The following RASGEF1A variants were observed in gnomAD, a reference collection of about 807,000 sequenced individuals.
The protein encoded by RASGEF1A is RasGEF domain family member 1A, also known as ras-GEF domain-containing family member 1A.
RASGEF1A carries 18 observed loss-of-function variants against 56.4 expected under a neutral mutation model. The observed-to-expected ratio is 0.32, with a 90% confidence interval of 0.22 to 0.47. RASGEF1A has a LOEUF of 0.47. Among genes scored for constraint, RASGEF1A ranks in the 20% least tolerant of loss-of-function variants. The pLI is 1.00. For missense variants in RASGEF1A, 422 were observed against 627.1 expected (o/e 0.67, Z 3.49); for synonymous variants, 245 against 242.6 (o/e 1.01, Z -0.09).
chr10:43,219,182 C>A (rs79781812), intron 1 of RASGEF1A, among the ~76,000 whole-genome samples: 10,322 of 152,330 alleles, frequency 0.068, 956 homozygotes, highest in African/African-American at 0.21. Context: ...CTCCCCCCTC[C>A]CCTTGGCCTC....
chr10:43,202,060 C>T, intron 3 of RASGEF1A, 115 bp from the exon 4 acceptor site: 2 of 1,171,666 alleles, frequency 1.7e-6, no homozygotes, highest in Non-Finnish European at 1.1e-6. Flanking sequence ...GTGCTGGGCA[C>T]AGCCCCCAAC....
intron 1 of RASGEF1A, among the ~76,000 whole-genome samples, chr10:43,264,970 T>C (rs1292509172): frequency 6.6e-6 from 1 of 152,208 alleles, no homozygotes; most frequent in African/African-American, 2.4e-5. Flanking sequence ...ATCCTGCCCC[T>C]GGCATCATTC....
intron 1 of RASGEF1A, chr10:43,208,027 C>T: frequency 2.0e-6 from 2 of 984,172 alleles, no homozygotes; most frequent in Middle Eastern, 5.2e-4. Flanking sequence ...CCCAGGGTGG[C>T]ACTCAGTGAC....
chr10:43,199,524 C>G lies in RASGEF1A; in HGVS notation c.849+152G>C. The G allele has an allele frequency of 7.4e-6, 5 of 672,044 alleles. No individual in the cohort carries two copies. In the South Asian group the frequency reaches 8.6e-5, roughly 12 times the overall value. 41.6% of individuals were successfully genotyped at this position (672,044 alleles called of 1,614,324 possible). A position where few individuals can be genotyped will look rare whatever the true frequency, so the allele number is the denominator to read the frequency against. On this transcript the variant is annotated intron_variant, in intron 7 of 12. Coordinates refer to ENST00000395810, the MANE Select transcript of RASGEF1A (RefSeq NM_145313.4). ...TGTCATTGAAGGAATCGCTGTATGT[C>G]GGGGTTGGGGGACCACCAAGGCCCT...
intron 2 of RASGEF1A, chr10:43,203,877 A>G (rs1816914972): frequency 2.7e-6 from 2 of 743,312 alleles, no homozygotes; most frequent in Non-Finnish European, 3.3e-6. Context: ...TGTCGGGAGC[A>G]GGGCTGATCC....
chr10:43,206,486 G>C lies in RASGEF1A; in HGVS notation c.-6-364C>G, dbSNP rs150160378. Reference sequence around the variant, plus strand: ...TGAGAGGGCTGTGAACAACTGATGGGGCTGGCCGCGCAGCTCCCAGGATAA... The same window carrying C: ...TGAGAGGGCTGTGAACAACTGATGGCGCTGGCCGCGCAGCTCCCAGGATAA... On this transcript the variant is annotated intron_variant, in intron 1 of 12. Coordinates refer to ENST00000395810, the MANE Select transcript of RASGEF1A (RefSeq NM_145313.4). 2.4e-4 allele frequency among the ~76,000 whole-genome samples: 37 copies of C among 152,340 alleles called. No homozygotes were observed. The East Asian group carries it at 6.9e-3, about 29-fold the overall frequency.
At chr10:43,247,098 G>A (rs138690996) in intron 1 of RASGEF1A, among the ~76,000 whole-genome samples, 54 of 152,292 alleles carry the variant, frequency 3.5e-4, no homozygotes, top group East Asian at 3.5e-3. Flanking sequence ...AGTTAAAAAC[G>A]GGCAAAGGCC....
intron 1 of RASGEF1A, among the ~76,000 whole-genome samples, chr10:43,245,793 TC>T (rs1794298297): frequency 6.6e-6 from 1 of 152,120 alleles, no homozygotes; most frequent in African/African-American, 2.4e-5. Context: ...CTGTGAAAAA[TC>T]CAGAACATCA....
chr10:43,211,494 G>A (rs985042744), intron 1 of RASGEF1A, among the ~76,000 whole-genome samples: 19 of 152,214 alleles, frequency 1.2e-4, no homozygotes, highest in Non-Finnish European at 2.4e-4. Context: ...ACAGAGGGCA[G>A]GCGGCAGACA....
At chr10:43,204,409 A>G (rs1218158563) in intron 2 of RASGEF1A, among the ~76,000 whole-genome samples, 1 of 152,106 alleles carries the variant, frequency 6.6e-6, no homozygotes, top group Non-Finnish European at 1.5e-5. Context: ...CTCCTCTAAC[A>G]TCCTGCAAAC....
intron 1 of RASGEF1A, among the ~76,000 whole-genome samples, chr10:43,212,347 T>C (rs1280444522): frequency 6.6e-6 from 1 of 152,222 alleles, no homozygotes; most frequent in Non-Finnish European, 1.5e-5. Flanking sequence ...AGATGGGCTC[T>C]GAGACCTTGC....
At chr10:43,199,824 A>G in intron 6 of RASGEF1A, 56 bp from the exon 7 acceptor site, 1 of 1,423,770 alleles carries the variant, frequency 7.0e-7, no homozygotes, top group South Asian at 1.2e-5. Flanking sequence ...TGGACAACTT[A>G]GTCCCCACAG....
At chr10:43,261,955 G>C (rs914975561) in intron 1 of RASGEF1A, among the ~76,000 whole-genome samples, 2 of 152,196 alleles carry the variant, frequency 1.3e-5, no homozygotes, top group Non-Finnish European at 2.9e-5. Context: ...TCCTCATCCT[G>C]GGAAGTACCT....
chr10:43,213,729 C>T (rs1455166113), intron 1 of RASGEF1A, among the ~76,000 whole-genome samples: 3 of 152,152 alleles, frequency 2.0e-5, no homozygotes, highest in South Asian at 4.1e-4. Context: ...CAGGTTCAAG[C>T]GATTCTCCTG....
In RASGEF1A at chr10:43,196,727, C is replaced by G. The variant is rs947453440; in HGVS notation, c.1349-179G>C. ...TGTTGGGGACTCTAGGAAGGTTCCT[C>G]GTGTTGCAGCACCTGACCTAAGCCC... On this transcript the variant is annotated intron_variant, in intron 11 of 12. Transcript: ENST00000395810. This position sits in a 1 kb window ranked among gnomAD's most constrained non-coding sequence, Gnocchi z 4.6. Among the ~76,000 whole-genome samples, 3 of 152,190 alleles carry G rather than the reference C, an allele frequency of 2.0e-5. No homozygotes were observed. The highest frequency in any genetic ancestry group is 4.4e-5 in the Non-Finnish European group (3 of 68,032).
intron 1 of RASGEF1A, among the ~76,000 whole-genome samples, chr10:43,240,801 A>G (rs1260302947): frequency 1.3e-5 from 2 of 152,222 alleles, no homozygotes; most frequent in Non-Finnish European, 2.9e-5. Context: ...AAAAAATATT[A>G]GAAGCAATAA....
intron 1 of RASGEF1A, among the ~76,000 whole-genome samples, chr10:43,212,546 G>T (rs1840082544): frequency 6.6e-6 from 1 of 152,218 alleles, no homozygotes; most frequent in African/African-American, 2.4e-5. Context: ...CTGTCTGTGT[G>T]AGCCTTAGTG....
intron 1 of RASGEF1A, among the ~76,000 whole-genome samples, chr10:43,247,491 C>T (rs148425424): frequency 2.0e-5 from 3 of 152,306 alleles, no homozygotes; most frequent in East Asian, 1.9e-4. Context: ...ATATTAGCCA[C>T]AAAGTGGAAA....
At chr10:43,259,265 T>TGAG (rs1202616338) in intron 1 of RASGEF1A, among the ~76,000 whole-genome samples, 1 of 152,200 alleles carries the variant, frequency 6.6e-6, no homozygotes, top group Non-Finnish European at 1.5e-5. Flanking sequence ...AGGGACCAGC[T>TGAG]GAGGGCCTGC....
Sources: allele counts gnomAD v4.1 joint callset (sites outside exome capture counted in the v4.1 genomes callset), GRCh38; gene constraint gnomAD v4.1.1; non-coding constraint Gnocchi (gnomAD v3.1); transcripts MANE v1.5; gene names NCBI Gene and HGNC (gene_info 2026-07-23, HGNC 2026-07-21).